AGBL1: variants seen among roughly 807,000 people sequenced by gnomAD.
AGBL1 encodes the protein AGBL carboxypeptidase 1, also known as cytosolic carboxypeptidase 4.
In AGBL1, 130 loss-of-function variants were observed where a neutral mutation model predicts 118.9. The observed-to-expected ratio is 1.09, with a 90% CI of 0.95 to 1.26. The LOEUF (loss-of-function observed/expected upper bound fraction) is 1.26, where lower values mean the gene tolerates loss of function less well. Ranked by LOEUF, AGBL1 falls within the 50% of genes most tolerant of loss-of-function variation. The probability of loss-of-function intolerance (pLI) is 0.00; values close to 1 mark genes in which losing one functional copy is unlikely to be tolerated. For synonymous variants in AGBL1, 555 were observed against 478.9 expected (o/e 1.16, Z -2.08); for missense variants, 1,584 against 1,298.1 (o/e 1.22, Z -3.38).
chr15:86,500,239 G>C (rs1207498137), intron 18 of AGBL1, among the ~76,000 whole-genome samples: 1 of 151,836 alleles, frequency 6.6e-6, no homozygotes, highest in Non-Finnish European at 1.5e-5. Flanking sequence ...CAGGTTTGTG[G>C]AGGGAGTCTT....
intron 24 of AGBL1, among the ~76,000 whole-genome samples, chr15:87,018,544 T>C (rs559300447): frequency 6.6e-6 from 1 of 152,282 alleles, no homozygotes; most frequent in East Asian, 1.9e-4. Flanking sequence ...TAAGATCTTC[T>C]TTGGACAAGC....
intron 19 of AGBL1, among the ~76,000 whole-genome samples, chr15:86,531,975 C>T: frequency 6.6e-6 from 1 of 151,434 alleles, no homozygotes; most frequent in Non-Finnish European, 1.5e-5. Context: ...ATAATAAGAG[C>T]TATCTATGAC....
At chr15:86,994,798 C>G (rs2081365681) in intron 24 of AGBL1, among the ~76,000 whole-genome samples, 1 of 152,186 alleles carries the variant, frequency 6.6e-6, no homozygotes, top group African/African-American at 2.4e-5. Flanking sequence ...ATCTTACAAG[C>G]TGACTTTAGA....
chr15:86,551,367 G>A (rs762482168), intron 20 of AGBL1, among the ~76,000 whole-genome samples: 7 of 151,866 alleles, frequency 4.6e-5, no homozygotes, highest in Admixed American at 3.3e-4. Context: ...AAAGAAAGAA[G>A]ATACAAGTTA....
At chr15:86,228,600 C>T (rs1436432973) in intron 6 of AGBL1, among the ~76,000 whole-genome samples, 1 of 152,066 alleles carries the variant, frequency 6.6e-6, no homozygotes, top group Non-Finnish European at 1.5e-5. Flanking sequence ...GAGGTCATCC[C>T]CAGGAAAAGC....
chr15:86,213,732 C>T (rs1288932764), intron 5 of AGBL1, among the ~76,000 whole-genome samples: 1 of 152,150 alleles, frequency 6.6e-6, no homozygotes, highest in African/African-American at 2.4e-5. Context: ...ACAAGAATAA[C>T]TCTTTTTGTT....
chr15:86,127,082 T>C (rs2076757108), intron 1 of AGBL1, among the ~76,000 whole-genome samples: 1 of 152,190 alleles, frequency 6.6e-6, no homozygotes. Flanking sequence ...CTTAAAGCTG[T>C]AGTCCCCAGT....
intron 17 of AGBL1, among the ~76,000 whole-genome samples, chr15:86,322,653 C>A (rs114388367): frequency 0.015 from 2,290 of 152,184 alleles, 67 homozygotes; most frequent in African/African-American, 0.05. Context: ...TCTGGGGGAA[C>A]ACTTTATAAT....
intron 22 of AGBL1, among the ~76,000 whole-genome samples, chr15:86,782,046 T>G (rs963698424): frequency 2.6e-5 from 4 of 152,112 alleles, no homozygotes; most frequent in Admixed American, 2.6e-4. Flanking sequence ...AGTCTTTTAA[T>G]CTACAAAAAT....
chr15:86,987,925 AAT>A, intron 23 of AGBL1: 1 of 1,562,594 alleles, frequency 6.4e-7, no homozygotes, highest in Non-Finnish European at 8.7e-7. Context: ...CATCTATAAT[AAT>A]ATGTGACACT....
At chr15:86,951,082 G>A (rs1434157059) in intron 23 of AGBL1, among the ~76,000 whole-genome samples, 1 of 152,124 alleles carries the variant, frequency 6.6e-6, no homozygotes, top group African/African-American at 2.4e-5. Context: ...AATTTTTAGA[G>A]AGACACCCTC....
chr15:86,723,381 C>T (rs144516049), intron 22 of AGBL1, among the ~76,000 whole-genome samples: 5 of 152,290 alleles, frequency 3.3e-5, no homozygotes, highest in African/African-American at 4.8e-5. Context: ...TGGAAACCAT[C>T]GTTCTCAGCA....
In AGBL1 at chr15:86,780,402, G is replaced by C. The variant is rs138326905; in HGVS notation, c.3158+105966G>C. ...ATAACAGCTCTCAATATCTTATTGG[G>C]TATGTCCTTCATGTTTATTGTTCTT... On this transcript the variant is annotated intron_variant, in intron 22 of 22. Transcript: ENST00000614907. Among the ~76,000 whole-genome samples, 117 of 152,158 alleles carry C rather than the reference G, an allele frequency of 7.7e-4. 4 individuals are homozygous for C. The East Asian group carries it at 0.015, about 19-fold the overall frequency.
chr15:87,008,289 C>G (rs1009475086), intron 24 of AGBL1, among the ~76,000 whole-genome samples: 1 of 152,078 alleles, frequency 6.6e-6, no homozygotes, highest in African/African-American at 2.4e-5. Flanking sequence ...CAGGTCTTTC[C>G]CACGCTGTTC....
chr15:86,888,229 C>G (rs2079999240), intron 22 of AGBL1, among the ~76,000 whole-genome samples: 1 of 152,042 alleles, frequency 6.6e-6, no homozygotes, highest in South Asian at 2.1e-4. Context: ...TTCATTCTAA[C>G]AAGCCCGGTG....
In AGBL1 at chr15:86,341,861, C is replaced by CT. The variant is rs949888091; in HGVS notation, c.2374+46461dup. ...GGAGGAAGGAACATTAATAGTAACA[C>CT]TTTTTTTTAAGACCACCTTCATTTT... On this transcript the variant is annotated intron_variant, in intron 17 of 22. Transcript: ENST00000614907. Among the ~76,000 whole-genome samples the CT allele has an allele frequency of 3.9e-3, 594 of 151,866 alleles. 4 individuals carry two copies. The highest frequency in any genetic ancestry group is 7.2e-3 in the Non-Finnish European group (491 of 67,930).
chr15:86,813,987 G>T (rs1204665836), intron 22 of AGBL1, among the ~76,000 whole-genome samples: 1 of 152,154 alleles, frequency 6.6e-6, no homozygotes, highest in Non-Finnish European at 1.5e-5. Context: ...CTAGATCCCT[G>T]TCTCATCTGC....
At chr15:86,219,894 G>T (rs1597576191) in intron 5 of AGBL1, among the ~76,000 whole-genome samples, 1 of 149,358 alleles carries the variant, frequency 6.7e-6, no homozygotes, top group Non-Finnish European at 1.5e-5. Flanking sequence ...AAGACTTTAG[G>T]ATCACTAGAT....
At chr15:86,851,694 G>T (rs1293957424) in intron 22 of AGBL1, among the ~76,000 whole-genome samples, 1 of 152,166 alleles carries the variant, frequency 6.6e-6, no homozygotes, top group Non-Finnish European at 1.5e-5. Context: ...GCCTAGGCAT[G>T]GGCAGTAGCA....
Sources: allele counts gnomAD v4.1 joint callset (sites outside exome capture counted in the v4.1 genomes callset), GRCh38; gene constraint gnomAD v4.1.1; transcripts MANE v1.5; gene names NCBI Gene and HGNC (gene_info 2026-07-23, HGNC 2026-07-21).